The following SLC12A6 variants were observed in gnomAD, a reference collection of about 807,000 sequenced individuals.
SLC12A6 encodes K-Cl cotransporter 3.
A neutral mutation model predicts 135.3 loss-of-function variants in SLC12A6; 66 were observed. That is an observed-to-expected ratio of 0.49 (90% CI 0.40 to 0.60). The LOEUF (loss-of-function observed/expected upper bound fraction) is 0.60. Ranked by LOEUF, SLC12A6 falls within the 20% of genes least tolerant of loss-of-function variation. SLC12A6 has a pLI of 0.00. For missense variants in SLC12A6, 1,058 were observed against 1,452.3 expected (o/e 0.73, Z 4.41); for synonymous variants, 513 against 508.8 (o/e 1.01, Z -0.11).
chr15:34,284,637 T>C (rs556268867), intron 2 of SLC12A6, among the ~76,000 whole-genome samples: 1 of 152,184 alleles, frequency 6.6e-6, no homozygotes, highest in Non-Finnish European at 1.5e-5. Context: ...GAGAACCTTC[T>C]ACATGTGAAA....
chr15:34,318,878 A>C, intron 2 of SLC12A6: 2 of 1,368,230 alleles, frequency 1.5e-6, no homozygotes, highest in South Asian at 2.9e-5. Context: ...CGCCTTCCAC[A>C]GTGTTTATCA....
At chr15:34,323,268 T>C (rs1889242214) in intron 2 of SLC12A6, among the ~76,000 whole-genome samples, 1 of 152,056 alleles carries the variant, frequency 6.6e-6, no homozygotes, top group Non-Finnish European at 1.5e-5. Context: ...ACAGTGCTCA[T>C]CCCTGGCCAT....
intron 2 of SLC12A6, among the ~76,000 whole-genome samples, chr15:34,335,606 C>T (rs1890146319): frequency 6.6e-6 from 1 of 152,156 alleles, no homozygotes; most frequent in African/African-American, 2.4e-5. Flanking sequence ...ATGATCTCCC[C>T]ATTTTCTCTC....
chr15:34,329,407 C>T (rs896164721), intron 2 of SLC12A6, among the ~76,000 whole-genome samples: 2 of 152,234 alleles, frequency 1.3e-5, no homozygotes, highest in African/African-American at 4.8e-5. Flanking sequence ...CATTCCCCTT[C>T]TTCTAACAGC....
chr15:34,261,625 G>A (rs143776706), intron 3 of SLC12A6, among the ~76,000 whole-genome samples: 4 of 152,222 alleles, frequency 2.6e-5, no homozygotes, highest in African/African-American at 9.6e-5. Context: ...AGTCACCTAA[G>A]TTTAGGAGGA....
intron 2 of SLC12A6, among the ~76,000 whole-genome samples, chr15:34,332,653 G>C (rs767486264): frequency 2.9e-4 from 44 of 152,026 alleles, no homozygotes; most frequent in Non-Finnish European, 4.7e-4. Flanking sequence ...TGTGGTTGCA[G>C]ATGCCTGTAA....
At position 34,254,495 on chromosome 15, in the gene SLC12A6, G is replaced by A. The variant is rs1892610761; in HGVS notation, c.971C>T (p.Ala324Val). 6.2e-7 allele frequency: 1 copy of A among 1,613,758 alleles called. No individual in the cohort carries two copies. The highest frequency in any genetic ancestry group is 8.5e-7 in the Non-Finnish European group (1 of 1,179,658). ...CACTAATACCATAAGGACCAAGAAA[G>A]CTGTGCCGTAGACACGCATGTTATT... is the stretch of plus-strand genomic sequence containing the variant. Reference protein sequence around the residue: ...MLNNMRVYGTAFLVLMVLVVF... With the variant: ...MLNNMRVYGTVFLVLMVLVVF... Residue 324 changes from alanine to valine, a missense_variant, in exon 9 of 26, where the codon GCT becomes GTT. Around this residue, in one of 6 missense-constraint regions of SLC12A6, gnomAD observed 297 missense variants for 318.5 expected, o/e 0.93. Coordinates refer to ENST00000354181, the MANE Select transcript of SLC12A6 (RefSeq NM_001365088.1).
Position 34,254,329 on chromosome 15 carries a change from C to T in SLC12A6, c.1118+19G>A, listed in dbSNP as rs781168863. Reference sequence around the variant, plus strand: ...TTACTACCCAATAAGGATGGCTAGGCAGAGAGACAGACACGTACGGGAAGT... The same window carrying T: ...TTACTACCCAATAAGGATGGCTAGGTAGAGAGACAGACACGTACGGGAAGT... On this transcript the variant is annotated intron_variant, in intron 9 of 25. Coordinates refer to ENST00000354181, the MANE Select transcript of SLC12A6 (RefSeq NM_001365088.1). The T allele has an allele frequency of 8.1e-6, 13 of 1,610,220 alleles. No individual in the cohort carries two copies. In the Admixed American group the frequency reaches 1.7e-4, roughly 21 times the overall value.
At position 34,231,560 on chromosome 15, in the gene SLC12A6, A is replaced by G. The variant is rs1890932549; in HGVS notation, c.*2321T>C. 1 of 151,876 alleles carries G rather than the reference A, an allele frequency of 6.6e-6. No individual in the cohort carries two copies. The highest frequency in any genetic ancestry group is 1.5e-5 in the Non-Finnish European group (1 of 68,054). 9.4% of individuals were successfully genotyped at this position (151,876 alleles called of 1,614,324 possible). On this transcript the variant is annotated 3_prime_UTR_variant, in exon 26 of 26. Coordinates refer to ENST00000354181, the MANE Select transcript of SLC12A6 (RefSeq NM_001365088.1). ...GGAGGTTGAAGCAAGCAAAGGGAAC[A>G]AATCAAAATTACTCAATTTCTTTCT... is the stretch of plus-strand genomic sequence containing the variant.
At chr15:34,284,808 G>A (rs1340915246) in intron 2 of SLC12A6, among the ~76,000 whole-genome samples, 1 of 152,140 alleles carries the variant, frequency 6.6e-6, no homozygotes, top group Non-Finnish European at 1.5e-5. Flanking sequence ...GTGGGAGAGT[G>A]GTTTGTGTGC....
chr15:34,262,551 G>A (rs1054894448), intron 3 of SLC12A6, among the ~76,000 whole-genome samples: 2 of 152,162 alleles, frequency 1.3e-5, no homozygotes, highest in African/African-American at 2.4e-5. Context: ...GCTACCCCAC[G>A]CGACGGGAAG....
At chr15:34,293,366 G>C (rs563988825) in intron 2 of SLC12A6, among the ~76,000 whole-genome samples, 1 of 151,862 alleles carries the variant, frequency 6.6e-6, no homozygotes, top group South Asian at 2.1e-4. Flanking sequence ...GTGCAGTGGT[G>C]CAAACTCAGA....
chr15:34,276,633 G>C (rs921653875), intron 2 of SLC12A6, among the ~76,000 whole-genome samples: 1 of 152,172 alleles, frequency 6.6e-6, no homozygotes, highest in African/African-American at 2.4e-5. Flanking sequence ...CAGGGTTTAT[G>C]TGAACAATGG....
chr15:34,262,080 C>G (rs1427099577), intron 3 of SLC12A6, among the ~76,000 whole-genome samples: 1 of 152,188 alleles, frequency 6.6e-6, no homozygotes, highest in South Asian at 2.1e-4. Flanking sequence ...TGAAACCCAA[C>G]CTTCAAGCCA....
rs537339005 is a variant in SLC12A6 at position 34,334,050 on chromosome 15, A to G, written c.271+2360T>C. On this transcript the variant is annotated intron_variant, in intron 2 of 25. Transcript: ENST00000354181. ...GCGCCCTTGTACCCCAGCCTGGGCA[A>G]CAAGTGTGAAACTCCATCTCAAAAA... is the stretch of plus-strand genomic sequence containing the variant. 4.3e-3 allele frequency among the ~76,000 whole-genome samples: 655 copies of G among 151,830 alleles called. 3 individuals are homozygous for G. The highest frequency in any genetic ancestry group is 8.9e-3 in the South Asian group (43 of 4,808).
At chr15:34,310,262 G>A (rs539896790) in intron 2 of SLC12A6, among the ~76,000 whole-genome samples, 2 of 141,730 alleles carry the variant, frequency 1.4e-5, no homozygotes, top group African/African-American at 2.8e-5. Flanking sequence ...GTGTGTGTGT[G>A]TCCCCGTGTC....
chr15:34,293,487 A>G (rs1895680223), intron 2 of SLC12A6, among the ~76,000 whole-genome samples: 1 of 152,186 alleles, frequency 6.6e-6, no homozygotes, highest in South Asian at 2.1e-4. Flanking sequence ...TATTTTTAGT[A>G]GAGACGGGGT....
intron 2 of SLC12A6, among the ~76,000 whole-genome samples, chr15:34,293,083 C>T (rs1895650779): frequency 6.6e-6 from 1 of 152,124 alleles, no homozygotes; most frequent in African/African-American, 2.4e-5. Context: ...CAGAAATCAC[C>T]CATCTTCTGT....
chr15:34,300,833 T>C (rs1896201709), intron 2 of SLC12A6, among the ~76,000 whole-genome samples: 1 of 151,006 alleles, frequency 6.6e-6, no homozygotes. Context: ...AGGAGCAGGT[T>C]TGGGGGCATG....
Sources: allele counts gnomAD v4.1 joint callset (sites outside exome capture counted in the v4.1 genomes callset), GRCh38; gene constraint gnomAD v4.1.1; regional missense constraint gnomAD v4.1.1; transcripts MANE v1.5; gene names NCBI Gene and HGNC (gene_info 2026-07-23, HGNC 2026-07-21).